The following MYO15A variants were observed in gnomAD, a reference collection of about 807,000 sequenced individuals.
MYO15A encodes myosin XVA.
A neutral mutation model predicts 394.6 loss-of-function variants in MYO15A; 308 were observed. That is an observed-to-expected ratio of 0.78 (90% CI 0.71 to 0.86). The LOEUF (loss-of-function observed/expected upper bound fraction) is 0.86, where lower values mean the gene tolerates loss of function less well. Among genes scored for constraint, MYO15A ranks in the 40% least tolerant of loss-of-function variants. The pLI, the probability that MYO15A is intolerant of heterozygous loss-of-function variation, is 0.00. For missense variants in MYO15A, 4,606 were observed against 4,799.1 expected (o/e 0.96, Z 1.19); for synonymous variants, 1,957 against 2,003.8 (o/e 0.98, Z 0.62).
chr17:18,163,411 C>CA (rs1254137384), intron 59 of MYO15A, 90 bp downstream of exon 59: 16 of 1,350,448 alleles, frequency 1.2e-5, no homozygotes, highest in Non-Finnish European at 1.7e-5. Flanking sequence ...AGTAAGCCCC[C>CA]AATGATGCTG....
At chr17:18,133,635 A>G (rs900041093) in intron 12 of MYO15A, among the ~76,000 whole-genome samples, 4 of 151,976 alleles carry the variant, frequency 2.6e-5, no homozygotes, top group African/African-American at 7.3e-5. Flanking sequence ...TTTGTTTACA[A>G]TGTTTTTTGG....
At chr17:18,154,826 G>T in intron 45 of MYO15A, 71 bp downstream of exon 45, 1 of 1,532,854 alleles carries the variant, frequency 6.5e-7, no homozygotes. Context: ...GTCCCAGAGG[G>T]AGACTGAGGC....
In MYO15A at chr17:18,120,393, C is replaced by G; in HGVS notation, c.1593C>G (p.Phe531Leu). ...CCGCTGTGCCCTACGGCCACCCTTT[C>G]TGGGGCTTCCTCACGCCGCGCCAGC... ...PVSAVPYGHPFWGFLTPRQRN... is the reference protein window; with the variant it reads ...PVSAVPYGHPLWGFLTPRQRN... Residue 531 changes from phenylalanine (F) to leucine (L), a missense_variant, in exon 2 of 66, where the codon TTC (phenylalanine) becomes TTG (leucine). This residue lies in a region of MYO15A where 1,830 missense variants were observed against 1,689.7 expected (regional missense o/e 1.08). Transcript: ENST00000647165. 2 of 1,609,902 alleles carry G rather than the reference C, an allele frequency of 1.2e-6. No homozygotes were observed. Among genetic ancestry groups the G allele is most frequent in the Non-Finnish European group, 1.7e-6 (2 of 1,179,188 alleles).
intron 29 of MYO15A, among the ~76,000 whole-genome samples, chr17:18,145,533 G>C (rs2046460126): frequency 6.6e-6 from 1 of 152,064 alleles, no homozygotes; most frequent in Non-Finnish European, 1.5e-5. Flanking sequence ...GGGCAACATG[G>C]TGAAACGCTG....
At position 18,151,418 on chromosome 17, in the gene MYO15A, C is replaced by T; in HGVS notation, c.7678C>T (p.Arg2560Trp). The T allele has an allele frequency of 5.0e-6, 8 of 1,614,206 alleles. No homozygotes were observed. The highest frequency in any genetic ancestry group is 6.8e-6 in the Non-Finnish European group (8 of 1,180,042). Residue 2560 changes from arginine (R) to tryptophan (W), a missense_variant, in exon 40 of 66, where the codon CGG becomes TGG. Physicochemically the swap from Arg to Trp is moderately radical, Grantham distance 101. This residue lies in a region of MYO15A where 2,776 missense variants were observed against 3,109.3 expected (regional missense o/e 0.89). Coordinates refer to ENST00000647165, the MANE Select transcript of MYO15A (RefSeq NM_016239.4). Reference sequence around the variant, plus strand: ...AGCTTCACCCTCCCCAGAGCTGGTCCGGTACTCTACGCTCAACTCTGAGCA... The same window carrying T: ...AGCTTCACCCTCCCCAGAGCTGGTCTGGTACTCTACGCTCAACTCTGAGCA... ...ETTSPSPELV[R>W]YSTLNSEHFP...
At chr17:18,134,967 A>G (rs1294207500) in intron 12 of MYO15A, among the ~76,000 whole-genome samples, 1 of 151,760 alleles carries the variant, frequency 6.6e-6, no homozygotes, top group Non-Finnish European at 1.5e-5. Flanking sequence ...TGCAGCCTCA[A>G]CCTCCTAGGC....
Position 18,172,183 on chromosome 17 carries a change from G to A in MYO15A, c.10243G>A (p.Gly3415Ser), listed in dbSNP as rs371741275. ...CCTCCTCAGCGCCTTACCTATGTTC[G>A]GCTCCTCCTTCTTCTTCATCCAGAG... is the stretch of plus-strand genomic sequence containing the variant. ...LGLLSALPMF[G>S]SSFFFIQSCS... Residue 3415 changes from glycine to serine, a missense_variant, in exon 64 of 66, where the codon GGC becomes AGC. Physicochemically the swap from Gly to Ser is moderately conservative, Grantham distance 56. This residue lies in a region of MYO15A where 2,776 missense variants were observed against 3,109.3 expected (regional missense o/e 0.89). Coordinates refer to ENST00000647165, the MANE Select transcript of MYO15A (RefSeq NM_016239.4). The A allele has an allele frequency of 4.3e-5, 69 of 1,613,996 alleles. No homozygotes were observed. Among genetic ancestry groups the A allele is most frequent in the Middle Eastern group, 1.6e-4 (1 of 6,082 alleles).
chr17:18,179,299 CA>C lies in MYO15A; in HGVS notation c.*430del. ...CTCCAACTCCACACCCTAGCCCTTA[CA>C]TGTCCTCCTAAGGGGCCCCTCCTTG... On this transcript the variant is annotated 3_prime_UTR_variant, in exon 66 of 66. Transcript: ENST00000647165. 1 of 243,280 alleles carries C rather than the reference CA, an allele frequency of 4.1e-6. No individual in the cohort carries two copies. The highest frequency in any genetic ancestry group is 8.3e-6 in the Non-Finnish European group (1 of 120,492). The allele number at this position is 243,280 out of a possible 1,614,324, so 15.1% of individuals were successfully genotyped here. A position where few individuals can be genotyped will look rare whatever the true frequency, so the allele number is the denominator to read the frequency against.
At chr17:18,176,172 G>A (rs762482361) in intron 65 of MYO15A, among the ~76,000 whole-genome samples, 10 of 152,048 alleles carry the variant, frequency 6.6e-5, no homozygotes, top group Non-Finnish European at 1.0e-4. Flanking sequence ...TCTGTTTTAC[G>A]TTGCTATAAA....
chr17:18,172,392 CTGCT>C, intron 64 of MYO15A, 102 bp downstream of exon 64: 1 of 1,501,708 alleles, frequency 6.7e-7, no homozygotes, highest in Non-Finnish European at 9.2e-7. Flanking sequence ...CCCAGTTCCA[CTGCT>C]TACCACCTTC....
intron 65 of MYO15A, among the ~76,000 whole-genome samples, chr17:18,174,195 A>G (rs1350714664): frequency 6.6e-6 from 1 of 152,166 alleles, no homozygotes; most frequent in Admixed American, 6.5e-5. Flanking sequence ...ACCTGGGCTG[A>G]GATGTGGAGG....
At chr17:18,173,117 A>G (rs1323835729) in intron 64 of MYO15A, among the ~76,000 whole-genome samples, 1 of 152,208 alleles carries the variant, frequency 6.6e-6, no homozygotes, top group Admixed American at 6.5e-5. Flanking sequence ...AGGTCAGTCC[A>G]GCTGGGGAGC....
intron 63 of MYO15A, 145 bp downstream of exon 63, chr17:18,171,916 T>C (rs2046947490): frequency 1.4e-6 from 2 of 1,391,366 alleles, no homozygotes; most frequent in East Asian, 2.5e-5. Context: ...GGAGAAAACA[T>C]GTCTTTACAT....
Position 18,150,365 on chromosome 17 carries a change from T to C in MYO15A, c.7213-64T>C. On this transcript the variant is annotated intron_variant, in intron 35 of 65. Coordinates refer to ENST00000647165, the MANE Select transcript of MYO15A (RefSeq NM_016239.4). The surrounding 1 kb of genome is among the most constrained non-coding windows in gnomAD (Gnocchi z 4.4). ...GGGGAAGAGGCCAGTGTCAGGTGCC[T>C]GTTGCCATGGAACCTTGGGAGTACA... 6.8e-7 allele frequency: 1 copy of C among 1,468,918 alleles called. No homozygotes were observed. The highest frequency in any genetic ancestry group is 9.5e-7 in the Non-Finnish European group (1 of 1,049,726). 91.0% of individuals were successfully genotyped at this position (1,468,918 alleles called of 1,614,324 possible).
chr17:18,136,976 G>C (rs2046290964), intron 15 of MYO15A, among the ~76,000 whole-genome samples: 1 of 152,252 alleles, frequency 6.6e-6, no homozygotes, highest in Admixed American at 6.5e-5. Context: ...GGGTGGGGAA[G>C]GCTTCCTGGA....
At chr17:18,173,582 A>G in intron 64 of MYO15A, 199 bp from the exon 65 acceptor site, 2 of 681,544 alleles carry the variant, frequency 2.9e-6, no homozygotes, top group Admixed American at 4.4e-5. Context: ...TATTTGTTGA[A>G]TCAATTTTAT....
chr17:18,166,600 G>A, intron 61 of MYO15A, 79 bp downstream of exon 61: 3 of 1,564,884 alleles, frequency 1.9e-6, no homozygotes, highest in Non-Finnish European at 2.6e-6. Context: ...CACAGCCTTG[G>A]TGTTTGAAGT....
At chr17:18,154,104 G>T in intron 43 of MYO15A, 27 bp from the exon 44 acceptor site, 2 of 1,613,602 alleles carry the variant, frequency 1.2e-6, no homozygotes, top group Non-Finnish European at 1.7e-6. Flanking sequence ...CAGTCGGACA[G>T]TACCCACTGA....
intron 5 of MYO15A, among the ~76,000 whole-genome samples, 165 bp downstream of exon 5, chr17:18,126,621 G>A (rs2046047416): frequency 6.6e-6 from 1 of 152,100 alleles, no homozygotes; most frequent in South Asian, 2.1e-4. Context: ...CGAAGCTACA[G>A]GTTGGAGGCC....
Sources: gnomAD v4.1 joint callset for allele counts (sites outside exome capture counted in the v4.1 genomes callset) on GRCh38, gnomAD v4.1.1 for gene constraint, gnomAD v4.1.1 regional missense constraint, Gnocchi (gnomAD v3.1) non-coding constraint, MANE v1.5 for transcripts, NCBI Gene and HGNC (gene_info 2026-07-23, HGNC 2026-07-21) for gene names.